Variants in PFKFB2 observed in about 807,000 individuals in gnomAD.
The protein encoded by PFKFB2 is 6-phosphofructo-2-kinase/fructose-2,6-biphosphatase 2.
PFKFB2 carries 53 observed loss-of-function variants against 68.0 expected under a neutral mutation model. The observed-to-expected ratio is 0.78, with a 90% CI of 0.63 to 0.98. The LOEUF (loss-of-function observed/expected upper bound fraction) is 0.98, where lower values mean the gene tolerates loss of function less well. Among genes scored for constraint, PFKFB2 ranks in the 50% least tolerant of loss-of-function variants. PFKFB2 has a pLI of 0.00. For missense variants in PFKFB2, 451 were observed against 642.0 expected, an observed-to-expected ratio of 0.70 and a Z score of 3.22; for synonymous variants, 222 against 227.6, an observed-to-expected ratio of 0.98 and a Z score of 0.22.
chr1:207,062,125 C>T lies in PFKFB2; in HGVS notation c.211+47C>T, dbSNP rs772116941. On this transcript the variant is annotated intron_variant, in intron 3 of 14. Coordinates refer to ENST00000367080, the MANE Select transcript of PFKFB2 (RefSeq NM_006212.2). ...GGAAAGACAATTATTAGTTCCTGGG[C>T]CTCACAGGTCTCTGGGAGACTTATT... 3 of 1,612,080 alleles carry T rather than the reference C, an allele frequency of 1.9e-6. No individual in the cohort carries two copies. The South Asian group carries it at 3.3e-5, about 18-fold the overall frequency.
upstream of PFKFB2, chr1:207,050,656 G>A (rs772400689): frequency 4.3e-6 from 7 of 1,609,608 alleles, no homozygotes; most frequent in East Asian, 1.6e-4. Flanking sequence ...ATCCTCCCGG[G>A]ACTTTCCCTG....
rs745521924 is a variant in PFKFB2 at position 207,067,521 on chromosome 1, A to G, written c.655A>G (p.Ile219Val). Residue 219 changes from isoleucine to valine, a missense_variant, in exon 9 of 15, where the codon ATA (isoleucine) becomes GTA (valine). Coordinates refer to ENST00000367080, the MANE Select transcript of PFKFB2 (RefSeq NM_006212.2). ...YDKDLSFIKVINVGQRFLVNR... is the reference protein window; with the variant it reads ...YDKDLSFIKVVNVGQRFLVNR... ...CAGGGATCTTTCTTTCATCAAGGTG[A>G]TAAACGTGGGCCAGCGATTTTTAGT... is the stretch of plus-strand genomic sequence containing the variant. The G allele has an allele frequency of 1.7e-5, 28 of 1,613,490 alleles. No individual in the cohort carries two copies. The highest frequency in any genetic ancestry group is 2.3e-5 in the Non-Finnish European group (27 of 1,179,756).
chr1:207,079,150 C>G (rs933857916), downstream of PFKFB2: 15 of 757,792 alleles, frequency 2.0e-5, no homozygotes, highest in Admixed American at 2.9e-4. Flanking sequence ...AAAACGAGGC[C>G]TGGAGAAACG....
upstream of PFKFB2, chr1:207,052,384 G>A: frequency 1.6e-6 from 1 of 624,366 alleles, no homozygotes; most frequent in Non-Finnish European, 2.8e-6. Context: ...CGGGGTGGCC[G>A]GGCGCAGTGG....
chr1:207,041,953 A>T (rs893502586), intron 1 of PFKFB2, among the ~76,000 whole-genome samples: 1 of 152,218 alleles, frequency 6.6e-6, no homozygotes, highest in Non-Finnish European at 1.5e-5. Context: ...CTCATGCAAA[A>T]GACTACCTCC....
chr1:207,070,592 T>C lies in PFKFB2; in HGVS notation c.1222+183T>C, dbSNP rs537796136. The C allele has an allele frequency of 1.2e-5, 7 of 598,964 alleles. No individual in the cohort carries two copies. The highest frequency in any genetic ancestry group is 4.7e-4 in the Middle Eastern group (1 of 2,112). The allele number at this position is 598,964 out of a possible 1,614,324, so 37.1% of individuals were successfully genotyped here. On this transcript the variant is annotated intron_variant, in intron 12 of 14. Coordinates refer to ENST00000367080, the MANE Select transcript of PFKFB2 (RefSeq NM_006212.2). This position sits in a 1 kb window ranked among gnomAD's most constrained non-coding sequence, Gnocchi z 4.2. ...TGACTTGCTGAGTTCACTCTGCTGC[T>C]ACGAAAGCTTCCAATGGAGAGTGGC... is the stretch of plus-strand genomic sequence containing the variant.
At chr1:207,078,938 C>T (rs889708604), downstream of PFKFB2, 33 of 1,609,368 alleles carry the variant, frequency 2.1e-5, no homozygotes, top group Non-Finnish European at 2.8e-5. Context: ...TGTGTCTCTT[C>T]CTCTCTGGCT....
intron 2 of PFKFB2, chr1:207,060,721 T>G (rs1282487793): frequency 1.3e-5 from 2 of 152,166 alleles, no homozygotes; most frequent in Admixed American, 1.3e-4. Flanking sequence ...TCTCCAAGCA[T>G]TAGACCTTCC....
intron 2 of PFKFB2, among the ~76,000 whole-genome samples, chr1:207,057,185 C>A (rs1312909970): frequency 6.6e-6 from 1 of 151,540 alleles, no homozygotes; most frequent in African/African-American, 2.4e-5. Context: ...TGGTGGCTCA[C>A]GCCTGTAATC....
chr1:207,070,032 G>C lies in PFKFB2; in HGVS notation c.1093-248G>C, dbSNP rs1683419685. Among the ~76,000 whole-genome samples the C allele has an allele frequency of 6.6e-6, 1 of 152,286 alleles. No individual in the cohort carries two copies. Among genetic ancestry groups the C allele is most frequent in the South Asian group, 2.1e-4 (1 of 4,824 alleles). On this transcript the variant is annotated intron_variant, in intron 11 of 14. Coordinates refer to ENST00000367080, the MANE Select transcript of PFKFB2 (RefSeq NM_006212.2). This position sits in a 1 kb window ranked among gnomAD's most constrained non-coding sequence, Gnocchi z 4.2. ...GGGAAGAAAAAACACACACACACAG[G>C]TTGAACTCACACTTCCTCTTCTTAA...
downstream of PFKFB2, chr1:207,079,244 C>T (rs1173522305): frequency 1.7e-6 from 1 of 582,154 alleles, no homozygotes. Flanking sequence ...AAACATTTAG[C>T]AACCTGAACC....
At position 207,071,204 on chromosome 1, in the gene PFKFB2, G is replaced by A; in HGVS notation, c.1239G>A (p.Leu413=). ...LDKGADELPY[L]RCPLHTIFKL... ...TGTTTTCAGATGAGCTACCATACTT[G>A]AGATGCCCTCTCCATACCATCTTCA... The change falls in exon 13 of 15, where the codon TTG becomes TTA. Residue 413 remains leucine, a synonymous_variant. Coordinates refer to ENST00000367080, the MANE Select transcript of PFKFB2 (RefSeq NM_006212.2). 6.2e-7 allele frequency: 1 copy of A among 1,613,780 alleles called. No individual in the cohort carries two copies. Among genetic ancestry groups the A allele is most frequent in the Non-Finnish European group, 8.5e-7 (1 of 1,179,724 alleles).
Position 207,072,616 on chromosome 1 carries a change from A to G in PFKFB2, c.*245A>G, listed in dbSNP as rs1683498764. 7.9e-7 allele frequency: 1 copy of G among 1,271,462 alleles called. No individual in the cohort carries two copies. The highest frequency in any genetic ancestry group is 1.5e-5 in the African/African-American group (1 of 65,692). The allele number at this position is 1,271,462 out of a possible 1,614,324, so 78.8% of individuals were successfully genotyped here. On this transcript the variant is annotated 3_prime_UTR_variant, in exon 15 of 15. Transcript: ENST00000367080. ...GTTAGCAAATTGAGTCTTTTAGGAC[A>G]GATTCTCAGATGGGATGATCTGGAG...
upstream of PFKFB2, chr1:207,048,410 T>C (rs752072898): frequency 1.3e-5 from 2 of 153,632 alleles, no homozygotes; most frequent in African/African-American, 2.4e-5. Context: ...GTCTACCAAA[T>C]TGCAATATAA....
intron 2 of PFKFB2, among the ~76,000 whole-genome samples, chr1:207,042,415 G>A (rs1326920416): frequency 6.6e-6 from 1 of 151,698 alleles, no homozygotes; most frequent in Non-Finnish European, 1.5e-5. Context: ...GGGCGTGGTG[G>A]TGGGCGCCTG....
intron 2 of PFKFB2, chr1:207,045,583 G>C (rs1402870857): frequency 2.0e-5 from 3 of 150,078 alleles, no homozygotes; most frequent in Non-Finnish European, 4.4e-5. Context: ...GTTTAGGAAG[G>C]CCACCTGATT....
At position 207,076,930 on chromosome 1, in the gene PFKFB2, CAAAG is replaced by C. The variant is rs1683643417; in HGVS notation, c.*4560_*4563del. On this transcript the variant is annotated 3_prime_UTR_variant, in exon 15 of 15. Transcript: ENST00000367080. ...TTCTCTGTCTATTAAATGTGTCTAA[CAAAG>C]GAAGGAATTAAGCACTCCACGTGTT... 3.1e-6 allele frequency: 3 copies of C among 982,848 alleles called. No homozygotes were observed. The highest frequency in any genetic ancestry group is 3.6e-6 in the Non-Finnish European group (3 of 827,638). The allele number at this position is 982,848 out of a possible 1,614,324, so 60.9% of individuals were successfully genotyped here.
At chr1:207,050,987 G>T (rs765860156), upstream of PFKFB2, 2 of 1,532,954 alleles carry the variant, frequency 1.3e-6, no homozygotes, top group South Asian at 2.4e-5. Flanking sequence ...GAAACCAGGC[G>T]CCGGGTGGAC....
upstream of PFKFB2, chr1:207,049,150 C>G: frequency 6.2e-7 from 1 of 1,614,082 alleles, no homozygotes; most frequent in Non-Finnish European, 8.5e-7. Context: ...CTGTCTCCTT[C>G]TTCTAGCTTC....
Sources: gnomAD v4.1 joint callset for allele counts (sites outside exome capture counted in the v4.1 genomes callset) on GRCh38, gnomAD v4.1.1 for gene constraint, Gnocchi (gnomAD v3.1) non-coding constraint, MANE v1.5 for transcripts, NCBI Gene and HGNC (gene_info 2026-07-23, HGNC 2026-07-21) for gene names.